Variants in SPINK13 observed in about 807,000 individuals in gnomAD.
The protein encoded by SPINK13 is serine protease inhibitor Kazal-type 13.
A neutral mutation model predicts 11.0 loss-of-function variants in SPINK13; 11 were observed. That is an observed-to-expected ratio of 1.00 (90% CI 0.63 to 1.65). The LOEUF is 1.65. SPINK13 is among the 40% of genes most tolerant of loss of function. The pLI, the probability that SPINK13 is intolerant of heterozygous loss-of-function variation, is 0.00. For missense variants in SPINK13, 113 were observed against 117.7 expected, an observed-to-expected ratio of 0.96 and a Z score of 0.19; for synonymous variants, 31 against 35.6, an observed-to-expected ratio of 0.87 and a Z score of 0.46.
chr5:148,270,052 AAG>A lies in SPINK13; in HGVS notation c.-18_-17del. ...GGCATGTTCACAGGCCTTATCAAAG[AAG>A]AGTCTTATATGAGATCAAATGGCTG... On this transcript the variant is annotated 5_prime_UTR_variant, in exon 2 of 5. Transcript: ENST00000398450. The A allele has an allele frequency of 6.2e-7, 1 of 1,613,190 alleles. No individual in the cohort carries two copies. The highest frequency in any genetic ancestry group is 8.5e-7 in the Non-Finnish European group (1 of 1,179,420).
At chr5:148,276,860 T>G (rs1322703913) in intron 3 of SPINK13, among the ~76,000 whole-genome samples, 1 of 152,198 alleles carries the variant, frequency 6.6e-6, no homozygotes, top group Non-Finnish European at 1.5e-5. Context: ...TATAAATTAC[T>G]TTGGGCAGTA....
chr5:148,280,998 A>G (rs1272920408), intron 3 of SPINK13, among the ~76,000 whole-genome samples: 1 of 152,168 alleles, frequency 6.6e-6, no homozygotes, highest in Admixed American at 6.5e-5. Flanking sequence ...GGAGAAATCT[A>G]GAGAGGCAGT....
chr5:148,278,637 G>C (rs954511902), intron 3 of SPINK13, among the ~76,000 whole-genome samples: 1 of 152,204 alleles, frequency 6.6e-6, no homozygotes, highest in Non-Finnish European at 1.5e-5. Context: ...CTGAGAGACT[G>C]TTTGTTATGA....
intron 4 of SPINK13, among the ~76,000 whole-genome samples, chr5:148,284,922 A>G (rs534387444): frequency 6.6e-6 from 1 of 152,256 alleles, no homozygotes; most frequent in East Asian, 1.9e-4. Context: ...AACAGTCCAT[A>G]CTCTTAAAAA....
At position 148,286,019 on chromosome 5, in the gene SPINK13, A is replaced by C. The variant is rs1304673554; in HGVS notation, c.256A>C (p.Lys86Gln). Reference sequence around the variant, plus strand: ...CTTTAGGGAATTTCATTATCGTATAAAATTTGAAAAATATGGAAAATGTGA... The same window carrying C: ...CTTTAGGGAATTTCATTATCGTATACAATTTGAAAAATATGGAAAATGTGA... ...VEQREFHYRI[K>Q]FEKYGKCD Residue 86 changes from lysine (K) to glutamine (Q), a missense_variant, in exon 5 of 5, where the codon AAA becomes CAA. By Grantham distance (53) the Lys-to-Gln change is moderately conservative (BLOSUM62 1). Transcript: ENST00000398450. 1 of 1,466,784 alleles carries C rather than the reference A, an allele frequency of 6.8e-7. No homozygotes were observed. The highest frequency in any genetic ancestry group is 1.4e-5 in the African/African-American group (1 of 69,258). 90.9% of individuals were successfully genotyped at this position (1,466,784 alleles called of 1,614,324 possible). A position where few individuals can be genotyped will look rare whatever the true frequency, so the allele number is the denominator to read the frequency against.
intron 2 of SPINK13, among the ~76,000 whole-genome samples, chr5:148,272,844 T>C (rs1756370952): frequency 6.6e-6 from 1 of 152,186 alleles, no homozygotes; most frequent in Admixed American, 6.5e-5. Flanking sequence ...GACAAAAAAG[T>C]CATTTATACA....
chr5:148,275,840 T>C (rs997995526), intron 3 of SPINK13, among the ~76,000 whole-genome samples: 1 of 152,006 alleles, frequency 6.6e-6, no homozygotes. Context: ...TTTTGTATTT[T>C]TTAGTAGAGA....
Position 148,269,928 on chromosome 5 carries a change from A to G in SPINK13, c.-33-112A>G, listed in dbSNP as rs552465998. 1.1e-4 allele frequency: 69 copies of G among 649,320 alleles called. No homozygotes were observed. The South Asian group carries it at 1.8e-3, about 17-fold the overall frequency. The allele number at this position is 649,320 out of a possible 1,614,324, so 40.2% of individuals were successfully genotyped here. ...GAGTTCCTGGAGACCAGGTCAGTAT[A>G]AATCACCAGGGCAAGTGTACAGGAA... On this transcript the variant is annotated intron_variant, in intron 1 of 4. Coordinates refer to ENST00000398450, the MANE Select transcript of SPINK13 (RefSeq NM_001040129.3).
intron 4 of SPINK13, among the ~76,000 whole-genome samples, chr5:148,285,777 T>TA (rs1396583003): frequency 4.7e-5 from 7 of 150,508 alleles, no homozygotes; most frequent in Admixed American, 1.3e-4. Flanking sequence ...AAACTCTACA[T>TA]AAAAAATGTC....
At chr5:148,275,594 C>G (rs1020075175) in intron 3 of SPINK13, among the ~76,000 whole-genome samples, 2 of 152,152 alleles carry the variant, frequency 1.3e-5, no homozygotes, top group Non-Finnish European at 2.9e-5. Flanking sequence ...AATTTACACT[C>G]CCACCAACAG....
rs546290036 is a variant in SPINK13 at position 148,273,719 on chromosome 5, T to C, written c.71-628T>C. 3.9e-5 allele frequency among the ~76,000 whole-genome samples: 6 copies of C among 152,352 alleles called. No individual in the cohort carries two copies. The South Asian group carries it at 1.0e-3, about 26-fold the overall frequency. On this transcript the variant is annotated intron_variant, in intron 2 of 4. Coordinates refer to ENST00000398450, the MANE Select transcript of SPINK13 (RefSeq NM_001040129.3). ...TCTGAAAATTCTAACTTTTGGAAAGTCAGAATATTCTATGATATTTTAAAT... is the reference window on the plus strand; with the variant it reads ...TCTGAAAATTCTAACTTTTGGAAAGCCAGAATATTCTATGATATTTTAAAT...
Position 148,286,023 on chromosome 5 carries a change from T to C in SPINK13, c.260T>C (p.Phe87Ser). The C allele has an allele frequency of 6.8e-7, 1 of 1,467,458 alleles. No individual in the cohort carries two copies. Among genetic ancestry groups the C allele is most frequent in the Admixed American group, 2.0e-5 (1 of 50,144 alleles). The allele number at this position is 1,467,458 out of a possible 1,614,324, so 90.9% of individuals were successfully genotyped here. A position where few individuals can be genotyped will look rare whatever the true frequency, so the allele number is the denominator to read the frequency against. ...EQREFHYRIK[F>S]EKYGKCD ...AGGGAATTTCATTATCGTATAAAAT[T>C]TGAAAAATATGGAAAATGTGATTAA... The change falls in exon 5 of 5, where the codon TTT becomes TCT. Residue 87 changes from phenylalanine (F) to serine (S), a missense_variant. Coordinates refer to ENST00000398450, the MANE Select transcript of SPINK13 (RefSeq NM_001040129.3).
chr5:148,274,973 C>A (rs984914870), intron 3 of SPINK13, among the ~76,000 whole-genome samples: 1 of 152,038 alleles, frequency 6.6e-6, no homozygotes, highest in South Asian at 2.1e-4. Context: ...CAAAGCTAAA[C>A]CGTGGTAAAT....
intron 2 of SPINK13, among the ~76,000 whole-genome samples, chr5:148,272,631 AT>A (rs1756367818): frequency 6.6e-6 from 1 of 152,188 alleles, no homozygotes; most frequent in Non-Finnish European, 1.5e-5. Context: ...TGTTATGAAA[AT>A]GTCAGACCTT....
intron 3 of SPINK13, among the ~76,000 whole-genome samples, chr5:148,275,810 G>C (rs537493688): frequency 6.6e-6 from 1 of 151,806 alleles, no homozygotes; most frequent in African/African-American, 2.4e-5. Context: ...ACAGGCACCC[G>C]CCACCAAGCC....
At position 148,282,008 on chromosome 5, in the gene SPINK13, A is replaced by T. The variant is rs117578216; in HGVS notation, c.109-96A>T. The T allele has an allele frequency of 7.2e-3, 10,726 of 1,496,582 alleles. 840 individuals are homozygous for T. The East Asian group carries it at 0.19, about 26-fold the overall frequency. 92.7% of individuals were successfully genotyped at this position (1,496,582 alleles called of 1,614,324 possible). ...TTGATAAGATCAATTGACTGGTATG[A>T]TTTAATATTATTTTTTAAGTGGGGC... On this transcript the variant is annotated intron_variant, in intron 3 of 4. Transcript: ENST00000398450.
In SPINK13 at chr5:148,286,083, T is replaced by C. The variant is rs1186579803; in HGVS notation, c.*35T>C. The C allele has an allele frequency of 1.4e-5, 18 of 1,270,822 alleles. No homozygotes were observed. Among genetic ancestry groups the C allele is most frequent in the Non-Finnish European group, 2.0e-5 (18 of 920,518 alleles). 78.7% of individuals were successfully genotyped at this position (1,270,822 alleles called of 1,614,324 possible). A position where few individuals can be genotyped will look rare whatever the true frequency, so the allele number is the denominator to read the frequency against. On this transcript the variant is annotated 3_prime_UTR_variant, in exon 5 of 5. Coordinates refer to ENST00000398450, the MANE Select transcript of SPINK13 (RefSeq NM_001040129.3). ...GAGTAACTACACTTGCTTATTCTTT[T>C]TCTACTTAATTCAGAATAGTATTTC...
chr5:148,270,392 A>AT (rs993275214), intron 2 of SPINK13, among the ~76,000 whole-genome samples: 23 of 152,248 alleles, frequency 1.5e-4, no homozygotes, highest in African/African-American at 4.6e-4. Flanking sequence ...GAAAATTGTG[A>AT]TTTTTTTATT....
At chr5:148,282,382 G>C in intron 4 of SPINK13, 151 bp downstream of exon 4, 1 of 941,762 alleles carries the variant, frequency 1.1e-6, no homozygotes, top group Non-Finnish European at 1.5e-6. Flanking sequence ...AGACTACAGA[G>C]AGAGTGAAGA....
Sources: gnomAD v4.1 joint callset for allele counts (sites outside exome capture counted in the v4.1 genomes callset) on GRCh38, gnomAD v4.1.1 for gene constraint, MANE v1.5 for transcripts, NCBI Gene and HGNC (gene_info 2026-07-23, HGNC 2026-07-21) for gene names.